The following IQCJ variants were observed in gnomAD, a reference collection of about 807,000 sequenced individuals.
The protein encoded by IQCJ is IQ domain-containing protein J.
A neutral mutation model predicts 11.0 loss-of-function variants in IQCJ; 9 were observed. The observed-to-expected ratio is 0.82, with a 90% confidence interval of 0.49 to 1.43. The LOEUF (loss-of-function observed/expected upper bound fraction) is 1.43, where lower values mean the gene tolerates loss of function less well. Among genes scored for constraint, IQCJ ranks in the 40% most tolerant of loss-of-function variants. The pLI is 0.00. For synonymous variants in IQCJ, 55 were observed against 51.3 expected (o/e 1.07, Z -0.31); for missense variants, 146 against 133.2 (o/e 1.10, Z -0.47).
At chr3:159,192,763 A>G (rs1038841657) in intron 1 of IQCJ, among the ~76,000 whole-genome samples, 1 of 152,222 alleles carries the variant, frequency 6.6e-6, no homozygotes, top group East Asian at 1.9e-4. Context: ...CCTGGACAAC[A>G]CACCACAGCA....
At chr3:159,224,074 A>G (rs896099754) in intron 1 of IQCJ, among the ~76,000 whole-genome samples, 1 of 152,022 alleles carries the variant, frequency 6.6e-6, no homozygotes, top group Admixed American at 6.6e-5. Context: ...CCACTAAAAA[A>G]AAAAAAAACA....
At chr3:159,240,856 G>T (rs975672307) in intron 1 of IQCJ, among the ~76,000 whole-genome samples, 4 of 152,124 alleles carry the variant, frequency 2.6e-5, no homozygotes, top group African/African-American at 9.6e-5. Context: ...GCCTCCCAAA[G>T]TGTTGGGATT....
chr3:159,223,541 A>G (rs946640570), intron 1 of IQCJ, among the ~76,000 whole-genome samples: 1 of 152,132 alleles, frequency 6.6e-6, no homozygotes, highest in Non-Finnish European at 1.5e-5. Flanking sequence ...GGTTTGGAAG[A>G]TGGAGATACA....
intron 1 of IQCJ, among the ~76,000 whole-genome samples, chr3:159,092,995 C>T (rs552291828): frequency 1.3e-5 from 2 of 151,670 alleles, no homozygotes; most frequent in Admixed American, 6.6e-5. Context: ...TTTGGACTTT[C>T]CTTATTTCTC....
At chr3:159,255,139 A>G (rs1727824044) in intron 3 of IQCJ, among the ~76,000 whole-genome samples, 1 of 152,154 alleles carries the variant, frequency 6.6e-6, no homozygotes, top group Non-Finnish European at 1.5e-5. Context: ...CTGTATTATC[A>G]CAGGCTTTCT....
intron 1 of IQCJ, among the ~76,000 whole-genome samples, chr3:159,170,565 C>T (rs1461743857): frequency 1.3e-5 from 2 of 151,990 alleles, no homozygotes; most frequent in African/African-American, 2.4e-5. Flanking sequence ...TGTAACTTTA[C>T]GATCTTTAGA....
intron 2 of IQCJ, 82 bp from the exon 3 acceptor site, chr3:159,252,645 A>G (rs983074741): frequency 1.1e-5 from 13 of 1,206,200 alleles, no homozygotes; most frequent in South Asian, 7.0e-5. Flanking sequence ...TATTTTACAC[A>G]TAAGTATAAA....
intron 1 of IQCJ, among the ~76,000 whole-genome samples, chr3:159,115,346 C>T (rs201677050): frequency 9.6e-4 from 146 of 152,240 alleles, no homozygotes; most frequent in East Asian, 2.1e-3. Flanking sequence ...ATTGCATGGG[C>T]TAATTTAGAG....
At chr3:159,106,674 T>C (rs1718284558) in intron 1 of IQCJ, among the ~76,000 whole-genome samples, 1 of 152,178 alleles carries the variant, frequency 6.6e-6, no homozygotes. Context: ...AATTCAATTA[T>C]AACACTATCT....
chr3:159,253,554 T>C lies in IQCJ; in HGVS notation c.155+747T>C, dbSNP rs75633793. ...GTTCTGATTTTCCTTCAGAAGCATA[T>C]ATGAGAAATGCCAGTGAGTGTATAT... On this transcript the variant is annotated intron_variant, in intron 3 of 3. Coordinates refer to ENST00000397832, the MANE Select transcript of IQCJ (RefSeq NM_001042706.3). Among the ~76,000 whole-genome samples, 471 of 152,020 alleles carry C rather than the reference T, an allele frequency of 3.1e-3. 2 individuals carry two copies. Among genetic ancestry groups the C allele is most frequent in the African/African-American group, 0.011 (455 of 41,464 alleles).
chr3:159,141,653 A>G (rs1228116006), intron 1 of IQCJ, among the ~76,000 whole-genome samples: 1 of 152,242 alleles, frequency 6.6e-6, no homozygotes, highest in Non-Finnish European at 1.5e-5. Context: ...TTTGTTAATT[A>G]ATATCTATAA....
chr3:159,180,597 G>T (rs1385097883), intron 1 of IQCJ, among the ~76,000 whole-genome samples: 1 of 151,884 alleles, frequency 6.6e-6, no homozygotes, highest in Non-Finnish European at 1.5e-5. Flanking sequence ...GAGAGATAGG[G>T]CAGGAGAGAG....
chr3:159,108,369 CACTAAAAGA>C (rs1034403581), intron 1 of IQCJ, among the ~76,000 whole-genome samples: 16 of 152,106 alleles, frequency 1.1e-4, no homozygotes, highest in Non-Finnish European at 1.8e-4. Context: ...ATAGCATCAA[CACTAAAAGA>C]GATAAAAGCT....
At chr3:159,130,208 G>T (rs999137810) in intron 1 of IQCJ, among the ~76,000 whole-genome samples, 1 of 152,132 alleles carries the variant, frequency 6.6e-6, no homozygotes, top group Non-Finnish European at 1.5e-5. Context: ...TCAGTTATTT[G>T]TTGGGAAGTT....
At chr3:159,122,730 A>T (rs912520273) in intron 1 of IQCJ, among the ~76,000 whole-genome samples, 25 of 152,224 alleles carry the variant, frequency 1.6e-4, no homozygotes, top group African/African-American at 6.0e-4. Flanking sequence ...TTAATGTCTT[A>T]TTCTACAAAA....
chr3:159,224,201 A>G (rs917747877), intron 1 of IQCJ, among the ~76,000 whole-genome samples: 3 of 152,146 alleles, frequency 2.0e-5, no homozygotes, highest in African/African-American at 7.2e-5. Flanking sequence ...TGTCAAAAGG[A>G]CTTAGGAGAC....
intron 1 of IQCJ, among the ~76,000 whole-genome samples, chr3:159,168,089 G>T (rs1297300764): frequency 2.6e-5 from 4 of 152,152 alleles, no homozygotes; most frequent in African/African-American, 9.7e-5. Flanking sequence ...ACAGTGTGTG[G>T]TGAGAGGGCA....
chr3:159,243,431 G>T (rs1486844137), intron 1 of IQCJ, among the ~76,000 whole-genome samples: 1 of 152,102 alleles, frequency 6.6e-6, no homozygotes, highest in East Asian at 1.9e-4. Context: ...AAACTACTCA[G>T]CAATAAAAAG....
chr3:159,174,778 G>C (rs11717768), intron 1 of IQCJ, among the ~76,000 whole-genome samples: 113 of 151,866 alleles, frequency 7.4e-4, no homozygotes, highest in Admixed American at 2.5e-3. Flanking sequence ...GATTTATTGT[G>C]TGCATTATTT....
Sources: gnomAD v4.1 joint callset for allele counts (sites outside exome capture counted in the v4.1 genomes callset) on GRCh38, gnomAD v4.1.1 for gene constraint, MANE v1.5 for transcripts, NCBI Gene and HGNC (gene_info 2026-07-23, HGNC 2026-07-21) for gene names.